Variants in HPGD observed in about 807,000 individuals in gnomAD.
HPGD encodes 15-hydroxyprostaglandin dehydrogenase [NAD(+)].
In HPGD, 29 loss-of-function variants were observed where a neutral mutation model predicts 30.0. The ratio of observed to expected loss-of-function variants is 0.97; its 90% CI spans 0.72 to 1.32. The LOEUF is 1.32. Ranked by LOEUF, HPGD falls within the 40% of genes most tolerant of loss-of-function variation. The pLI is 0.00. For missense variants in HPGD, 340 were observed against 322.1 expected (o/e 1.06, Z -0.43); for synonymous variants, 99 against 112.4 (o/e 0.88, Z 0.75).
chr4:174,503,851 T>C (rs1183219120), intron 4 of HPGD, among the ~76,000 whole-genome samples: 2 of 151,980 alleles, frequency 1.3e-5, no homozygotes, highest in Non-Finnish European at 2.9e-5. Flanking sequence ...GCCTCCTGAG[T>C]AGCTAGGAAC....
chr4:174,508,451 A>T (rs992192738), intron 4 of HPGD, among the ~76,000 whole-genome samples: 5 of 152,168 alleles, frequency 3.3e-5, no homozygotes, highest in African/African-American at 7.2e-5. Context: ...CTAAAAAAAA[A>T]TTATATATAT....
intron 3 of HPGD, among the ~76,000 whole-genome samples, chr4:174,515,719 T>C (rs547820162): frequency 1.3e-5 from 2 of 152,168 alleles, no homozygotes; most frequent in African/African-American, 4.8e-5. Flanking sequence ...TTGCAAACTA[T>C]GGATCTGACA....
At chr4:174,503,137 T>A (rs1200065172) in intron 4 of HPGD, among the ~76,000 whole-genome samples, 1 of 152,158 alleles carries the variant, frequency 6.6e-6, no homozygotes, top group Non-Finnish European at 1.5e-5. Flanking sequence ...TTCCTACTGA[T>A]TACTTCTACT....
At chr4:174,513,537 A>G (rs1196448235) in intron 3 of HPGD, among the ~76,000 whole-genome samples, 1 of 152,066 alleles carries the variant, frequency 6.6e-6, no homozygotes, top group Non-Finnish European at 1.5e-5. Flanking sequence ...GAATAAAAAC[A>G]AAAAGAAAAC....
intron 2 of HPGD, 46 bp downstream of exon 2, chr4:174,521,898 T>G: frequency 6.2e-7 from 1 of 1,612,602 alleles, no homozygotes. Context: ...GGTTGTTGCT[T>G]GTTGAGAGCA....
chr4:174,493,018 A>G, intron 6 of HPGD, 133 bp downstream of exon 6: 1 of 730,494 alleles, frequency 1.4e-6, no homozygotes, highest in South Asian at 2.0e-5. Flanking sequence ...TCTCCCAGAG[A>G]GTTTGCCAAA....
rs79318084 is a variant in HPGD, at chr4:174,514,589, G to T, written c.324+3382C>A. 5.8e-3 allele frequency among the ~76,000 whole-genome samples: 884 copies of T among 152,108 alleles called. 9 individuals are homozygous for T. Among genetic ancestry groups the T allele is most frequent in the African/African-American group, 0.02 (846 of 41,504 alleles). ...GAGTGGGAAAAAGCTGGAAGCATTC[G>T]CCTTGAGAGCTGAAACAAGACAAGG... On this transcript the variant is annotated intron_variant, in intron 3 of 6. Transcript: ENST00000296522.
intron 3 of HPGD, among the ~76,000 whole-genome samples, chr4:174,513,107 A>C (rs540477057): frequency 2.6e-5 from 4 of 152,340 alleles, no homozygotes; most frequent in African/African-American, 7.2e-5. Context: ...AAGACACAGC[A>C]AGTGTCCATT....
In HPGD at chr4:174,494,187, A is replaced by T. The variant is rs764625664; in HGVS notation, c.499-873T>A. ...TGTGTTAGATAAATTTTGATCAGGC[A>T]TGAGTAATAAGTGCTTTAGTAATGA... is the stretch of plus-strand genomic sequence containing the variant. On this transcript the variant is annotated intron_variant, in intron 5 of 6. Coordinates refer to ENST00000296522, the MANE Select transcript of HPGD (RefSeq NM_000860.6). The surrounding 1 kb of genome is among the most constrained non-coding windows in gnomAD (Gnocchi z 4.9). Among the ~76,000 whole-genome samples, 18 of 152,194 alleles carry T rather than the reference A, an allele frequency of 1.2e-4. No homozygotes were observed. Among genetic ancestry groups the T allele is most frequent in the Admixed American group, 2.0e-4 (3 of 15,266 alleles).
chr4:174,505,030 A>G (rs1224047527), intron 4 of HPGD, among the ~76,000 whole-genome samples: 1 of 152,184 alleles, frequency 6.6e-6, no homozygotes, highest in Non-Finnish European at 1.5e-5. Context: ...CTCGTGTAGA[A>G]AAGTCCATGT....
Position 174,508,786 on chromosome 4 carries a change from C to T in HPGD, c.331G>A (p.Val111Ile), listed in dbSNP as rs1346085450. Residue 111 changes from valine to isoleucine, a missense_variant, in exon 4 of 7, where the codon GTT (valine) becomes ATT (isoleucine). By Grantham distance (29) the Val-to-Ile change is conservative. Transcript: ENST00000296522. Reference protein sequence around the residue: ...EKTLQINLVSVISGTYLGLDY... With the variant: ...EKTLQINLVSIISGTYLGLDY... ...AAACCAAGATAGGTTCCACTGATAA[C>T]AGAAACCTAATCCAGAGGCATAAGT... is the stretch of plus-strand genomic sequence containing the variant. The T allele has an allele frequency of 6.4e-7, 1 of 1,565,422 alleles. No individual in the cohort carries two copies. The highest frequency in any genetic ancestry group is 1.7e-5 in the Admixed American group (1 of 59,956).
chr4:174,493,112 C>T lies in HPGD; in HGVS notation c.662+39G>A, dbSNP rs369323372. On this transcript the variant is annotated intron_variant, in intron 6 of 6. Coordinates refer to ENST00000296522, the MANE Select transcript of HPGD (RefSeq NM_000860.6). Reference sequence around the variant, plus strand: ...TATAGCTTATCTAAATAATGCTTTGCTTCATCATTTAAAAGAAAATAGACA... The same window carrying T: ...TATAGCTTATCTAAATAATGCTTTGTTTCATCATTTAAAAGAAAATAGACA... 1.6e-4 allele frequency: 239 copies of T among 1,471,424 alleles called. No individual in the cohort carries two copies. The African/African-American group carries it at 2.8e-3, about 17-fold the overall frequency. The allele number at this position is 1,471,424 out of a possible 1,614,324, so 91.1% of individuals were successfully genotyped here. A position where few individuals can be genotyped will look rare whatever the true frequency, so the allele number is the denominator to read the frequency against.
At chr4:174,495,734 A>G (rs1734565883) in intron 4 of HPGD, 110 bp from the exon 5 acceptor site, 10 of 784,256 alleles carry the variant, frequency 1.3e-5, no homozygotes, top group Non-Finnish European at 2.2e-5. Flanking sequence ...TTTAAGATGA[A>G]TCTGAATAAC....
Position 174,490,810 on chromosome 4 carries a change from T to G in HPGD, c.*1146A>C, listed in dbSNP as rs1418640369. 6.6e-6 allele frequency: 1 copy of G among 152,300 alleles called. No homozygotes were observed. Among genetic ancestry groups the G allele is most frequent in the East Asian group, 1.9e-4 (1 of 5,334 alleles). The allele number at this position is 152,300 out of a possible 1,614,324, so 9.4% of individuals were successfully genotyped here. A position where few individuals can be genotyped will look rare whatever the true frequency, so the allele number is the denominator to read the frequency against. ...GACAGGATGAGTCACTTATACGATA[T>G]TTTTTTGAGAAAACGACTGATTTGG... On this transcript the variant is annotated 3_prime_UTR_variant, in exon 7 of 7. Transcript: ENST00000296522. This position sits in a 1 kb window ranked among gnomAD's most constrained non-coding sequence, Gnocchi z 4.4.
chr4:174,508,635 G>T, intron 4 of HPGD, 61 bp downstream of exon 4: 1 of 945,082 alleles, frequency 1.1e-6, no homozygotes, highest in Non-Finnish European at 1.8e-6. Flanking sequence ...TTGAAGATTT[G>T]TTTTTGTGGT....
chr4:174,513,296 T>C (rs1289597644), intron 3 of HPGD, among the ~76,000 whole-genome samples: 1 of 152,208 alleles, frequency 6.6e-6, no homozygotes, highest in African/African-American at 2.4e-5. Flanking sequence ...CGTCATTTAA[T>C]GTGGTTTTGG....
intron 3 of HPGD, among the ~76,000 whole-genome samples, chr4:174,514,770 T>C (rs998741783): frequency 2.0e-5 from 3 of 152,144 alleles, no homozygotes; most frequent in Admixed American, 6.5e-5. Context: ...GAAAACACCA[T>C]AGTCTCTGCC....
chr4:174,490,574 T>C lies in HPGD; in HGVS notation c.*1382A>G, dbSNP rs1385717612. The C allele has an allele frequency of 2.6e-5, 4 of 152,350 alleles. No homozygotes were observed. Among genetic ancestry groups the C allele is most frequent in the Non-Finnish European group, 5.9e-5 (4 of 68,028 alleles). The allele number at this position is 152,350 out of a possible 1,614,324, so 9.4% of individuals were successfully genotyped here. ...ACAGTTTATCTCTATCAGATGTTCA[T>C]TGATGTTCACTACTTTGTCTTTAAT... is the stretch of plus-strand genomic sequence containing the variant. On this transcript the variant is annotated 3_prime_UTR_variant, in exon 7 of 7. Coordinates refer to ENST00000296522, the MANE Select transcript of HPGD (RefSeq NM_000860.6). The surrounding 1 kb of genome is among the most constrained non-coding windows in gnomAD (Gnocchi z 4.4).
intron 3 of HPGD, among the ~76,000 whole-genome samples, chr4:174,510,778 C>T (rs113502524): frequency 6.6e-5 from 10 of 152,230 alleles, no homozygotes; most frequent in African/African-American, 2.4e-4. Flanking sequence ...ACTATAACAA[C>T]GTAGTCCTTA....
Sources: allele counts gnomAD v4.1 joint callset (sites outside exome capture counted in the v4.1 genomes callset), GRCh38; gene constraint gnomAD v4.1.1; non-coding constraint Gnocchi (gnomAD v3.1); transcripts MANE v1.5; gene names NCBI Gene and HGNC (gene_info 2026-07-23, HGNC 2026-07-21).